Variants in RANBP2 observed in about 807,000 individuals in gnomAD.
RANBP2 encodes the protein E3 SUMO-protein ligase RanBP2.
A neutral mutation model predicts 303.6 loss-of-function variants in RANBP2; 57 were observed. That is an observed-to-expected ratio of 0.19 (90% CI 0.15 to 0.23). The LOEUF (loss-of-function observed/expected upper bound fraction) is 0.23, where lower values mean the gene tolerates loss of function less well. RANBP2 is among the 10% of genes least tolerant of loss of function. RANBP2 has a pLI of 1.00. For synonymous variants in RANBP2, 1,167 were observed against 1,301.5 expected, an observed-to-expected ratio of 0.90 and a Z score of 2.23; for missense variants, 3,138 against 3,780.8, an observed-to-expected ratio of 0.83 and a Z score of 4.46.
At chr2:108,919,505 G>T in the RANBP2 span, among the ~76,000 whole-genome samples, 1 of 152,038 alleles carries the variant, frequency 6.6e-6, no homozygotes, top group Non-Finnish European at 1.5e-5. Context: ...ATTACAGGCA[G>T]GCACCACCAC....
At chr2:108,939,435 G>C in the RANBP2 span, among the ~76,000 whole-genome samples, 2 of 152,220 alleles carry the variant, frequency 1.3e-5, no homozygotes, top group African/African-American at 4.8e-5. Flanking sequence ...GTCTAGTGCA[G>C]AGTATGCGTA....
chr2:109,316,176 C>T, the RANBP2 span, among the ~76,000 whole-genome samples: 1 of 152,154 alleles, frequency 6.6e-6, no homozygotes, highest in Non-Finnish European at 1.5e-5. Context: ...TTTTGCTGAA[C>T]TTTTGGGCCT....
the RANBP2 span, among the ~76,000 whole-genome samples, chr2:109,107,004 C>G: frequency 7.0e-6 from 1 of 143,732 alleles, no homozygotes; most frequent in Admixed American, 7.2e-5. Flanking sequence ...ATGCTGCAAT[C>G]TCGGCTCACT....
the RANBP2 span, chr2:108,930,303 C>T: frequency 1.9e-6 from 3 of 1,611,222 alleles, no homozygotes; most frequent in Non-Finnish European, 2.5e-6. Context: ...GTGACTCCTG[C>T]AAGACCCCAA....
At chr2:108,908,600 C>T in the RANBP2 span, among the ~76,000 whole-genome samples, 2 of 152,190 alleles carry the variant, frequency 1.3e-5, no homozygotes, top group South Asian at 2.1e-4. Flanking sequence ...GCTGGGTGGG[C>T]GGTCGGACCC....
At chr2:109,653,276 T>C in the RANBP2 span, among the ~76,000 whole-genome samples, 1 of 151,852 alleles carries the variant, frequency 6.6e-6, no homozygotes, top group Non-Finnish European at 1.5e-5. Context: ...GCACCTGTAA[T>C]CCCAACTGCT....
the RANBP2 span, among the ~76,000 whole-genome samples, chr2:109,609,846 G>T: frequency 1.3e-5 from 2 of 152,146 alleles, no homozygotes; most frequent in Non-Finnish European, 2.9e-5. Context: ...AACTGAAGAA[G>T]TGGAAAATTA....
chr2:109,057,754 C>A, the RANBP2 span, among the ~76,000 whole-genome samples: 1 of 152,342 alleles, frequency 6.6e-6, no homozygotes, highest in Admixed American at 6.5e-5. Context: ...AGCACCCCAC[C>A]TCTTCCTTCG....
At chr2:109,011,396 C>T in the RANBP2 span, among the ~76,000 whole-genome samples, 4 of 152,156 alleles carry the variant, frequency 2.6e-5, no homozygotes, top group Non-Finnish European at 4.4e-5. Flanking sequence ...TTCAGTGTTG[C>T]CATTGGGAAG....
At chr2:109,071,638 C>T in the RANBP2 span, among the ~76,000 whole-genome samples, 2 of 151,612 alleles carry the variant, frequency 1.3e-5, no homozygotes, top group Non-Finnish European at 2.9e-5. Flanking sequence ...CACACCACTG[C>T]ACTCTAGCAA....
chr2:108,839,988 A>G, the RANBP2 span, among the ~76,000 whole-genome samples: 1 of 152,038 alleles, frequency 6.6e-6, no homozygotes, highest in Non-Finnish European at 1.5e-5. Context: ...TAAGTATAAT[A>G]TTAGCTGTAG....
the RANBP2 span, among the ~76,000 whole-genome samples, chr2:108,904,475 T>A: frequency 6.6e-6 from 1 of 152,256 alleles, no homozygotes; most frequent in Non-Finnish European, 1.5e-5. Flanking sequence ...TTATCCCAGA[T>A]AAATCACGAC....
In RANBP2 at chr2:108,766,247, C is replaced by T. The variant is rs556931971; in HGVS notation, c.5708C>T (p.Ser1903Leu). ...VSADGFKFGI[S>L]EPGNQEKKSE... Reference sequence around the variant, plus strand: ...GCTGATGGATTTAAATTTGGCATTTCGGAACCAGGAAATCAAGAAAAGAAA... The same window carrying T: ...GCTGATGGATTTAAATTTGGCATTTTGGAACCAGGAAATCAAGAAAAGAAA... The change falls in exon 20 of 29, where the codon TCG (serine) becomes TTG (leucine). Residue 1903 changes from serine to leucine, a missense_variant. Around this residue, in one of 20 missense-constraint regions of RANBP2, gnomAD observed 348 missense variants for 360.4 expected, o/e 0.97. Transcript: ENST00000283195. The T allele has an allele frequency of 2.5e-5, 40 of 1,611,944 alleles. No individual in the cohort carries two copies. The highest frequency in any genetic ancestry group is 2.2e-4 in the Middle Eastern group (1 of 4,460).
At chr2:109,184,614 C>T in the RANBP2 span, among the ~76,000 whole-genome samples, 2 of 152,126 alleles carry the variant, frequency 1.3e-5, no homozygotes, top group Non-Finnish European at 2.9e-5. Context: ...TGCTCCTGTG[C>T]CTCCATGGGC....
At chr2:109,723,889 TTA>T in the RANBP2 span, among the ~76,000 whole-genome samples, 1 of 152,254 alleles carries the variant, frequency 6.6e-6, no homozygotes, top group Non-Finnish European at 1.5e-5. Context: ...TCTAGCATTT[TTA>T]TAGTTTTGGG....
chr2:108,814,836 A>C, the RANBP2 span, among the ~76,000 whole-genome samples: 2 of 151,752 alleles, frequency 1.3e-5, no homozygotes, highest in African/African-American at 4.8e-5. Context: ...GCGTTTCACC[A>C]TGTTGGCTAG....
chr2:109,495,263 C>A, the RANBP2 span, among the ~76,000 whole-genome samples: 1 of 152,154 alleles, frequency 6.6e-6, no homozygotes, highest in Non-Finnish European at 1.5e-5. Flanking sequence ...AGGTTAGAAC[C>A]GTCTAATGCC....
chr2:109,264,812 G>C, the RANBP2 span, among the ~76,000 whole-genome samples: 40 of 152,330 alleles, frequency 2.6e-4, no homozygotes, highest in African/African-American at 8.7e-4. Flanking sequence ...CGTGCATGCC[G>C]CACCCTCCTG....
At chr2:109,421,371 T>C in the RANBP2 span, among the ~76,000 whole-genome samples, 1 of 152,200 alleles carries the variant, frequency 6.6e-6, no homozygotes, top group Non-Finnish European at 1.5e-5. Flanking sequence ...AGCAAAGGCC[T>C]CCCCTTCCTG....
Sources: allele counts gnomAD v4.1 joint callset (sites outside exome capture counted in the v4.1 genomes callset), GRCh38; gene constraint gnomAD v4.1.1; regional missense constraint gnomAD v4.1.1; transcripts MANE v1.5; gene names NCBI Gene and HGNC (gene_info 2026-07-23, HGNC 2026-07-21).